RTTN: variants seen among roughly 807,000 people sequenced by gnomAD.
RTTN encodes rotatin.
A neutral mutation model predicts 269.2 loss-of-function variants in RTTN; 182 were observed. The ratio of observed to expected loss-of-function variants is 0.68; its 90% confidence interval spans 0.60 to 0.76. The LOEUF is 0.76. Among genes scored for constraint, RTTN ranks in the 30% least tolerant of loss-of-function variants. The pLI, the probability that RTTN is intolerant of heterozygous loss-of-function variation, is 0.00. For synonymous variants in RTTN, 1,006 were observed against 963.5 expected (o/e 1.04, Z -0.82); for missense variants, 2,545 against 2,608.6 (o/e 0.98, Z 0.53).
chr18:70,079,273 T>C (rs1045217047), intron 32 of RTTN, among the ~76,000 whole-genome samples: 2 of 152,146 alleles, frequency 1.3e-5, no homozygotes, highest in Admixed American at 1.3e-4. Context: ...CAAAATATTC[T>C]TGAACTGCTC....
intron 28 of RTTN, among the ~76,000 whole-genome samples, chr18:70,109,074 A>G (rs1336398768): frequency 4.6e-5 from 7 of 152,216 alleles, no homozygotes; most frequent in African/African-American, 1.7e-4. Flanking sequence ...GAACTGCACA[A>G]ACTGGAAGAA....
intron 34 of RTTN, among the ~76,000 whole-genome samples, chr18:70,072,145 A>G (rs2145037898): frequency 6.6e-6 from 1 of 152,300 alleles, no homozygotes; most frequent in South Asian, 2.1e-4. Flanking sequence ...AAGAAAATAT[A>G]ACTAGTAGAA....
intron 44 of RTTN, among the ~76,000 whole-genome samples, chr18:70,023,612 CA>C (rs988210156): frequency 3.9e-5 from 6 of 152,242 alleles, no homozygotes; most frequent in African/African-American, 1.4e-4. Flanking sequence ...CTACCTCCCA[CA>C]ACAGGTATCC....
At chr18:70,176,033 A>C (rs2061283812) in intron 11 of RTTN, among the ~76,000 whole-genome samples, 1 of 152,094 alleles carries the variant, frequency 6.6e-6, no homozygotes, top group Non-Finnish European at 1.5e-5. Context: ...CCCTCCAATC[A>C]ATTAAAAGAT....
intron 46 of RTTN, among the ~76,000 whole-genome samples, chr18:70,012,936 GATTTTAAAT>G (rs1279073719): frequency 1.3e-5 from 2 of 152,088 alleles, no homozygotes; most frequent in African/African-American, 4.8e-5. Context: ...TATTTTAAGG[GATTTTAAAT>G]ATTTAACAAA....
chr18:70,102,044 G>A (rs2059182533), intron 28 of RTTN, among the ~76,000 whole-genome samples: 1 of 152,176 alleles, frequency 6.6e-6, no homozygotes, highest in African/African-American at 2.4e-5. Context: ...TGAGAAGAAT[G>A]TACATTCTGT....
intron 23 of RTTN, 123 bp from the exon 24 acceptor site, chr18:70,128,669 T>C (rs1324774741): frequency 7.3e-6 from 5 of 687,926 alleles, no homozygotes; most frequent in Non-Finnish European, 1.2e-5. Context: ...AGGTTTCTCT[T>C]AGTCCCTATT....
At chr18:70,180,217 G>A (rs1038792812) in intron 10 of RTTN, among the ~76,000 whole-genome samples, 6 of 151,372 alleles carry the variant, frequency 4.0e-5, no homozygotes, top group East Asian at 3.9e-4. Context: ...CACTGAGGCC[G>A]GGCACGGTGG....
At chr18:70,133,821 C>T (rs1012194593) in intron 23 of RTTN, among the ~76,000 whole-genome samples, 4 of 151,984 alleles carry the variant, frequency 2.6e-5, no homozygotes, top group Admixed American at 2.6e-4. Context: ...AAGGGCTGTA[C>T]CCTTATGACT....
At chr18:70,097,043 C>T (rs1206338626) in intron 28 of RTTN, among the ~76,000 whole-genome samples, 1 of 152,158 alleles carries the variant, frequency 6.6e-6, no homozygotes, top group African/African-American at 2.4e-5. Context: ...ATTTTTAATT[C>T]TAGCTTATAA....
In RTTN at chr18:70,060,069, T is replaced by C. The variant is rs774732956; in HGVS notation, c.4748-27A>G. On this transcript the variant is annotated intron_variant, in intron 35 of 48. Transcript: ENST00000640769. ...TATTATTGAAAATAAACATAAGAAT[T>C]ATTATTTACCTTACAGCTATGTACA... 4.5e-6 allele frequency: 7 copies of C among 1,554,914 alleles called. No individual in the cohort carries two copies. The South Asian group carries it at 4.8e-5, about 11-fold the overall frequency.
At chr18:70,087,936 G>A (rs745579879) in intron 31 of RTTN, 53 bp downstream of exon 31, 42 of 1,571,958 alleles carry the variant, frequency 2.7e-5, no homozygotes, top group Non-Finnish European at 3.3e-5. Context: ...TATCGCTTAC[G>A]GATACCATCA....
At chr18:70,010,324 C>T (rs1179005499) in intron 46 of RTTN, among the ~76,000 whole-genome samples, 1 of 152,156 alleles carries the variant, frequency 6.6e-6, no homozygotes, top group East Asian at 1.9e-4. Flanking sequence ...TAAAACTGAC[C>T]ACATACTTGG....
chr18:70,167,543 G>A (rs974039511), intron 12 of RTTN, among the ~76,000 whole-genome samples: 4 of 152,018 alleles, frequency 2.6e-5, no homozygotes, highest in Admixed American at 6.6e-5. Flanking sequence ...CCAACATGGC[G>A]AAACCCCGTC....
chr18:70,154,906 T>C (rs181279139), intron 14 of RTTN, among the ~76,000 whole-genome samples: 1 of 152,286 alleles, frequency 6.6e-6, no homozygotes, highest in East Asian at 1.9e-4. Flanking sequence ...AGCCCAAAAA[T>C]GCTACTATTT....
At chr18:70,183,460 T>G (rs1232437613) in intron 10 of RTTN, among the ~76,000 whole-genome samples, 1 of 152,176 alleles carries the variant, frequency 6.6e-6, no homozygotes, top group Non-Finnish European at 1.5e-5. Flanking sequence ...AAACTCAGTC[T>G]TCAACCAGGC....
At chr18:70,194,619 A>C (rs1359507287) in intron 7 of RTTN, 2 of 152,260 alleles carry the variant, frequency 1.3e-5, no homozygotes, top group Non-Finnish European at 2.9e-5. Context: ...AATATTATTC[A>C]GCCATATAAA....
chr18:70,170,252 G>A (rs2061103398), intron 11 of RTTN, among the ~76,000 whole-genome samples: 1 of 152,148 alleles, frequency 6.6e-6, no homozygotes, highest in African/African-American at 2.4e-5. Flanking sequence ...TACCTCTCCA[G>A]TCCTGGGAAC....
Position 70,127,536 on chromosome 18 carries a change from A to G in RTTN, c.3349T>C (p.Leu1117=). Residue 1117 remains leucine, a synonymous_variant, in exon 25 of 49, where the codon TTG becomes CTG. Coordinates refer to ENST00000640769, the MANE Select transcript of RTTN (RefSeq NM_173630.4). ...KGCPGPCGVT[L]KSLAWHTALN... is the part of the protein sequence containing the mutation. ...GCGGTGTGCCAAGCCAAGGACTTCA[A>G]GGTAACCCCACATGGACCAGGGCAA... is the stretch of plus-strand genomic sequence containing the variant. 6.2e-7 allele frequency: 1 copy of G among 1,613,488 alleles called. No individual in the cohort carries two copies. Among genetic ancestry groups the G allele is most frequent in the South Asian group, 1.1e-5 (1 of 91,066 alleles).
Sources: gnomAD v4.1 joint callset for allele counts (sites outside exome capture counted in the v4.1 genomes callset) on GRCh38, gnomAD v4.1.1 for gene constraint, MANE v1.5 for transcripts, NCBI Gene and HGNC (gene_info 2026-07-23, HGNC 2026-07-21) for gene names.